AK7: variants seen among roughly 807,000 people sequenced by gnomAD.
AK7 encodes the protein ATP-AMP transphosphorylase 7.
In AK7, 78 loss-of-function variants were observed where a neutral mutation model predicts 96.6. The ratio of observed to expected loss-of-function variants is 0.81; its 90% CI spans 0.67 to 0.97. AK7 has a LOEUF of 0.97. AK7 is among the 50% of genes least tolerant of loss of function. The pLI is 0.00. For synonymous variants in AK7, 302 were observed against 317.2 expected (o/e 0.95, Z 0.51); for missense variants, 855 against 887.9 (o/e 0.96, Z 0.47).
intron 12 of AK7, among the ~76,000 whole-genome samples, chr14:96,467,180 G>T (rs540984339): frequency 3.9e-5 from 6 of 152,090 alleles, no homozygotes; most frequent in Non-Finnish European, 8.8e-5. Flanking sequence ...AGTCCGTTGT[G>T]CCTCAGTTAG....
At chr14:96,450,430 T>C (rs200845733) in intron 9 of AK7, among the ~76,000 whole-genome samples, 2 of 133,330 alleles carry the variant, frequency 1.5e-5, no homozygotes, top group African/African-American at 5.6e-5. Flanking sequence ...ATAAAAAAAA[T>C]TAAAAAAAAA....
At chr14:96,433,906 A>C (rs575046765) in intron 5 of AK7, among the ~76,000 whole-genome samples, 1 of 152,286 alleles carries the variant, frequency 6.6e-6, no homozygotes, top group East Asian at 1.9e-4. Flanking sequence ...ATTTTTAAAA[A>C]TTATTTCAAT....
At chr14:96,427,506 A>G (rs1224919250) in intron 5 of AK7, among the ~76,000 whole-genome samples, 2 of 152,250 alleles carry the variant, frequency 1.3e-5, no homozygotes, top group Non-Finnish European at 2.9e-5. Flanking sequence ...TCCATGAGCC[A>G]ATCACTTCCC....
At chr14:96,481,490 G>T (rs1303947117) in intron 15 of AK7, among the ~76,000 whole-genome samples, 2 of 151,990 alleles carry the variant, frequency 1.3e-5, no homozygotes, top group Non-Finnish European at 2.9e-5. Flanking sequence ...GGGATTACAG[G>T]TGTATGCCAC....
chr14:96,472,774 G>C lies in AK7; in HGVS notation c.1555+19G>C. The C allele has an allele frequency of 6.3e-7, 1 of 1,591,476 alleles. No homozygotes were observed. The highest frequency in any genetic ancestry group is 1.3e-5 in the African/African-American group (1 of 74,398). The stretch of plus-strand genomic sequence containing the variant: ...ATACCTGGTAAGTTTATTTCCCTAA[G>C]ATCACATTTAAAAGAATGTTCTCTG... On this transcript the variant is annotated intron_variant, in intron 14 of 17. Coordinates refer to ENST00000267584, the MANE Select transcript of AK7 (RefSeq NM_152327.5).
At chr14:96,440,792 A>G (rs1237229782) in intron 6 of AK7, among the ~76,000 whole-genome samples, 1 of 152,242 alleles carries the variant, frequency 6.6e-6, no homozygotes, top group East Asian at 1.9e-4. Context: ...CCTTTCTCCA[A>G]AGATGACTTT....
chr14:96,392,578 A>G (rs964651518), intron 1 of AK7, among the ~76,000 whole-genome samples: 5 of 152,240 alleles, frequency 3.3e-5, no homozygotes, highest in African/African-American at 1.2e-4. Flanking sequence ...CAGAACCTGG[A>G]CAGAGACTCC....
At chr14:96,434,995 C>T (rs1892562737) in intron 5 of AK7, among the ~76,000 whole-genome samples, 1 of 152,140 alleles carries the variant, frequency 6.6e-6, no homozygotes, top group Non-Finnish European at 1.5e-5. Context: ...ACTCACTCTT[C>T]AGGAAAGTAG....
intron 4 of AK7, among the ~76,000 whole-genome samples, chr14:96,409,572 T>C (rs1165507874): frequency 6.6e-6 from 1 of 152,088 alleles, no homozygotes; most frequent in Non-Finnish European, 1.5e-5. Flanking sequence ...ACTCCATCTC[T>C]AAATAAATAA....
At chr14:96,452,337 T>A (rs1214335125) in intron 10 of AK7, among the ~76,000 whole-genome samples, 4 of 152,132 alleles carry the variant, frequency 2.6e-5, no homozygotes, top group East Asian at 1.9e-4. Context: ...TTTTTTTTTT[T>A]ATTCAGACAG....
chr14:96,456,491 A>G lies in AK7; in HGVS notation c.1227+16A>G, dbSNP rs752238771. 3 of 1,610,018 alleles carry G rather than the reference A, an allele frequency of 1.9e-6. No homozygotes were observed. The highest frequency in any genetic ancestry group is 2.2e-5 in the South Asian group (2 of 90,778). On this transcript the variant is annotated intron_variant, in intron 11 of 17. Coordinates refer to ENST00000267584, the MANE Select transcript of AK7 (RefSeq NM_152327.5). Reference sequence around the variant, plus strand: ...AGCAAAACTGGTAACACTTTAAACTATTTTCCTGGGCATTTTAATTAATTA... The same window carrying G: ...AGCAAAACTGGTAACACTTTAAACTGTTTTCCTGGGCATTTTAATTAATTA...
intron 5 of AK7, among the ~76,000 whole-genome samples, chr14:96,436,878 C>T (rs1189367218): frequency 6.6e-6 from 1 of 152,082 alleles, no homozygotes; most frequent in Non-Finnish European, 1.5e-5. Context: ...GTGGAGGAGT[C>T]CCTCGCTGTC....
chr14:96,487,334 A>G (rs1895827197), intron 17 of AK7, among the ~76,000 whole-genome samples: 1 of 127,806 alleles, frequency 7.8e-6, no homozygotes, highest in Non-Finnish European at 1.7e-5. Context: ...CAGTGAGCCG[A>G]GATCACACCA....
At chr14:96,398,356 C>A in intron 2 of AK7, 93 bp downstream of exon 2, 2 of 1,343,892 alleles carry the variant, frequency 1.5e-6, no homozygotes, top group South Asian at 1.2e-5. Flanking sequence ...TTTGCCTCCC[C>A]TCCCCTCTCT....
At chr14:96,445,510 A>G (rs1373253519) in intron 7 of AK7, among the ~76,000 whole-genome samples, 1 of 152,110 alleles carries the variant, frequency 6.6e-6, no homozygotes, top group Non-Finnish European at 1.5e-5. Flanking sequence ...AAATACAAAA[A>G]TTAGTCGGGT....
At chr14:96,456,671 T>G (rs1451126711) in intron 11 of AK7, 196 bp downstream of exon 11, 1 of 508,230 alleles carries the variant, frequency 2.0e-6, no homozygotes, top group Admixed American at 3.3e-5. Flanking sequence ...CTGAGAAGAG[T>G]GTTGACCTTG....
At chr14:96,459,680 C>A (rs901509741) in intron 12 of AK7, among the ~76,000 whole-genome samples, 2 of 151,742 alleles carry the variant, frequency 1.3e-5, no homozygotes, top group South Asian at 4.2e-4. Context: ...GAGTTCAAGA[C>A]CAGCCTGGCC....
chr14:96,463,719 C>CAA (rs35376666), intron 12 of AK7, among the ~76,000 whole-genome samples: 74 of 83,702 alleles, frequency 8.8e-4, no homozygotes, highest in Non-Finnish European at 1.1e-3. Flanking sequence ...TACTCTGTCT[C>CAA]AAAAAAAAAA....
At chr14:96,482,940 C>T (rs1895577177) in intron 15 of AK7, 59 bp from the exon 16 acceptor site, 1 of 1,539,808 alleles carries the variant, frequency 6.5e-7, no homozygotes, top group Non-Finnish European at 8.9e-7. Context: ...AAGAATTTTC[C>T]CAATTGCAGG....
Sources: allele counts gnomAD v4.1 joint callset (sites outside exome capture counted in the v4.1 genomes callset), GRCh38; gene constraint gnomAD v4.1.1; transcripts MANE v1.5; gene names NCBI Gene and HGNC (gene_info 2026-07-23, HGNC 2026-07-21).